The following BTAF1 variants were observed in gnomAD, a reference collection of about 807,000 sequenced individuals.
BTAF1 encodes TATA-binding protein-associated factor 172.
Under a neutral mutation model 227.1 loss-of-function variants are expected in BTAF1, and 38 were observed. That is an observed-to-expected ratio of 0.17 (90% CI 0.13 to 0.22). The LOEUF is 0.22. BTAF1 is among the 10% of genes least tolerant of loss of function. The probability of loss-of-function intolerance (pLI) is 1.00; values close to 1 mark genes in which losing one functional copy is unlikely to be tolerated. For synonymous variants in BTAF1, 742 were observed against 751.9 expected (o/e 0.99, Z 0.21); for missense variants, 1,598 against 2,204.0 (o/e 0.73, Z 5.51).
chr10:91,958,952 T>C, intron 8 of BTAF1, 113 bp from the exon 9 acceptor site: 5 of 874,076 alleles, frequency 5.7e-6, no homozygotes, highest in Non-Finnish European at 8.9e-6. Context: ...AAAGTTCCAC[T>C]TAGTTTATTC....
chr10:91,978,507 A>C (rs1382482469), intron 14 of BTAF1, among the ~76,000 whole-genome samples: 2 of 136,710 alleles, frequency 1.5e-5, no homozygotes, highest in Non-Finnish European at 3.5e-5. Context: ...CCAGTGAGAA[A>C]ATAAGAACTT....
Position 92,028,773 on chromosome 10 carries a change from T to TTG in BTAF1, c.5407-17_5407-16insTG. 1.9e-6 allele frequency: 3 copies of TTG among 1,573,966 alleles called. No homozygotes were observed. The highest frequency in any genetic ancestry group is 1.7e-6 in the Non-Finnish European group (2 of 1,167,890). ...CCTCTCATTTTATTTTTTTTTTTTT[T>TTG]GCCAATTTTTCTTAAGGATGGCAAA... On this transcript the variant is annotated splice_polypyrimidine_tract_variant and intron_variant, in intron 37 of 37. Coordinates refer to ENST00000265990, the MANE Select transcript of BTAF1 (RefSeq NM_003972.3).
chr10:91,973,410 C>A (rs556589485), intron 14 of BTAF1, among the ~76,000 whole-genome samples: 1 of 152,238 alleles, frequency 6.6e-6, no homozygotes. Context: ...AATAATAGTA[C>A]AGATACTAAA....
At chr10:91,967,692 A>G (rs1847019504) in intron 14 of BTAF1, among the ~76,000 whole-genome samples, 1 of 152,194 alleles carries the variant, frequency 6.6e-6, no homozygotes, top group Non-Finnish European at 1.5e-5. Context: ...TTTGTTTTAC[A>G]GTTCTCAGTT....
intron 25 of BTAF1, among the ~76,000 whole-genome samples, chr10:91,998,127 C>A (rs1163807177): frequency 2.8e-4 from 28 of 99,368 alleles, no homozygotes; most frequent in African/African-American, 9.4e-4. Flanking sequence ...GACTCCATCT[C>A]AAAAAAAAAA....
intron 18 of BTAF1, among the ~76,000 whole-genome samples, 157 bp from the exon 19 acceptor site, chr10:91,984,044 T>G (rs1230136453): frequency 6.6e-6 from 1 of 152,152 alleles, no homozygotes; most frequent in African/African-American, 2.4e-5. Flanking sequence ...ATGTAATACC[T>G]TTTTTTCTGT....
intron 1 of BTAF1, among the ~76,000 whole-genome samples, chr10:91,925,989 C>T (rs1589723217): frequency 6.6e-6 from 1 of 152,052 alleles, no homozygotes; most frequent in Non-Finnish European, 1.5e-5. Flanking sequence ...AGAGCTATTT[C>T]TGTGCTTAGT....
rs765162182 is a variant in BTAF1 at position 91,935,664 on chromosome 10, C to T, written c.22C>T (p.Arg8Cys). 6.8e-6 allele frequency: 11 copies of T among 1,612,002 alleles called. No homozygotes were observed. Among genetic ancestry groups the T allele is most frequent in the South Asian group, 2.2e-5 (2 of 90,800 alleles). MAVSRLD[R>C]LFILLDTGTT... ...GTATTTTTGTTATTTCAGGCTAGAT[C>T]GCCTTTTTATTTTACTGGATACTGG... is the stretch of plus-strand genomic sequence containing the variant. The change falls in exon 2 of 38, where the codon CGC (arginine) becomes TGC (cysteine). Residue 8 changes from arginine (R) to cysteine (C), a missense_variant. Physicochemically the swap from Arg to Cys is radical, Grantham distance 180 (BLOSUM62 -3). Around this residue, in one of 10 missense-constraint regions of BTAF1, gnomAD observed 298 missense variants for 395.2 expected, o/e 0.75. Coordinates refer to ENST00000265990, the MANE Select transcript of BTAF1 (RefSeq NM_003972.3).
At chr10:91,971,635 C>T (rs750739216) in intron 14 of BTAF1, among the ~76,000 whole-genome samples, 1 of 151,944 alleles carries the variant, frequency 6.6e-6, no homozygotes, top group African/African-American at 2.4e-5. Flanking sequence ...CCACGCCTGA[C>T]TAATTTTTGT....
chr10:91,997,140 A>C (rs1444754594), intron 24 of BTAF1: 2 of 1,289,492 alleles, frequency 1.6e-6, no homozygotes, highest in East Asian at 1.1e-4. Flanking sequence ...TGGTTCAAAA[A>C]TACTGAAGAT....
At chr10:92,027,690 A>G (rs1388845374) in intron 37 of BTAF1, among the ~76,000 whole-genome samples, 1 of 152,170 alleles carries the variant, frequency 6.6e-6, no homozygotes, top group Non-Finnish European at 1.5e-5. Flanking sequence ...AAGATTATAT[A>G]TGTAAGCAGT....
At chr10:91,983,199 T>A (rs1848184489) in intron 18 of BTAF1, among the ~76,000 whole-genome samples, 1 of 152,342 alleles carries the variant, frequency 6.6e-6, no homozygotes, top group East Asian at 1.9e-4. Context: ...ACAGGAAGAA[T>A]AACATCTCTG....
intron 12 of BTAF1, among the ~76,000 whole-genome samples, chr10:91,963,309 C>G (rs112159343): frequency 6.6e-6 from 1 of 151,734 alleles, no homozygotes; most frequent in African/African-American, 2.4e-5. Context: ...GTCCCAGCTA[C>G]TCAGGAGGCT....
chr10:91,932,003 T>C (rs1163299293), intron 1 of BTAF1, among the ~76,000 whole-genome samples: 1 of 152,290 alleles, frequency 6.6e-6, no homozygotes, highest in African/African-American at 2.4e-5. Context: ...GCTGATCTGC[T>C]ACCCTCAGGG....
Position 91,959,759 on chromosome 10 carries a change from TATATATA to T in BTAF1, c.991-25_991-19del. 10 of 582,168 alleles carry T rather than the reference TATATATA, an allele frequency of 1.7e-5. No homozygotes were observed. The highest frequency in any genetic ancestry group is 7.7e-5 in the South Asian group (2 of 25,964). The allele number at this position is 582,168 out of a possible 1,614,324, so 36.1% of individuals were successfully genotyped here. ...GTGTGTGTATATATATATATATATA[TATATATA>T]TATATTATATTTTAACAGATGATTC... On this transcript the variant is annotated intron_variant, in intron 9 of 37. Transcript: ENST00000265990.
At position 92,008,938 on chromosome 10, in the gene BTAF1, A is replaced by T. The variant is rs1850122592; in HGVS notation, c.3923A>T (p.Asp1308Val). Reference sequence around the variant, plus strand: ...CAGTCCATCTGCATTCTAGCAGGAGATCATTGTCATAGGTAATTTAAGATG... The same window carrying T: ...CAGTCCATCTGCATTCTAGCAGGAGTTCATTGTCATAGGTAATTTAAGATG... Reference protein sequence around the residue: ...TLQSICILAGDHCHRAQEYAR... With the variant: ...TLQSICILAGVHCHRAQEYAR... Residue 1308 changes from aspartate to valine, a missense_variant, in exon 27 of 38, where the codon GAT becomes GTT. Physicochemically the swap from Asp to Val is radical, Grantham distance 152 (BLOSUM62 -3). Coordinates refer to ENST00000265990, the MANE Select transcript of BTAF1 (RefSeq NM_003972.3). The T allele has an allele frequency of 1.2e-6, 2 of 1,613,510 alleles. No homozygotes were observed. Among genetic ancestry groups the T allele is most frequent in the Non-Finnish European group, 1.7e-6 (2 of 1,179,844 alleles).
Position 92,022,389 on chromosome 10 carries a change from T to C in BTAF1, c.4864-2367T>C, listed in dbSNP as rs544645677. ...AAAATTTCACTCTCTGGAACTCTTA[T>C]GGGATCTGTATAGGATGTCACACTT... On this transcript the variant is annotated intron_variant, in intron 34 of 37. Transcript: ENST00000265990. Among the ~76,000 whole-genome samples, 10 of 152,308 alleles carry C rather than the reference T, an allele frequency of 6.6e-5. No individual in the cohort carries two copies. In the South Asian group the frequency reaches 2.1e-3, roughly 32 times the overall value.
At chr10:91,946,227 C>T (rs756082263) in intron 4 of BTAF1, among the ~76,000 whole-genome samples, 4 of 152,244 alleles carry the variant, frequency 2.6e-5, no homozygotes, top group South Asian at 2.1e-4. Context: ...GGCGTGGTGA[C>T]GCATGCCTGT....
At chr10:91,952,345 TC>T (rs1845826183) in intron 5 of BTAF1, among the ~76,000 whole-genome samples, 6 of 152,166 alleles carry the variant, frequency 3.9e-5, no homozygotes. Flanking sequence ...CTATTCCAGT[TC>T]CCAGTGGATA....
Sources: gnomAD v4.1 joint callset for allele counts (sites outside exome capture counted in the v4.1 genomes callset) on GRCh38, gnomAD v4.1.1 for gene constraint, gnomAD v4.1.1 regional missense constraint, MANE v1.5 for transcripts, NCBI Gene and HGNC (gene_info 2026-07-23, HGNC 2026-07-21) for gene names.